PTPRQ: variants seen among roughly 807,000 people sequenced by gnomAD.
PTPRQ encodes the protein phosphatidylinositol phosphatase PTPRQ.
Under a neutral mutation model 246.0 loss-of-function variants are expected in PTPRQ, and 199 were observed. The observed-to-expected ratio is 0.81, with a 90% confidence interval of 0.72 to 0.91. The LOEUF (loss-of-function observed/expected upper bound fraction) is 0.91, where lower values mean the gene tolerates loss of function less well. PTPRQ is among the 40% of genes least tolerant of loss of function. The pLI is 0.00. For missense variants in PTPRQ, 2,624 were observed against 2,528.4 expected (o/e 1.04, Z -0.81); for synonymous variants, 869 against 853.2 (o/e 1.02, Z -0.32).
chr12:80,642,631 C>A (rs1899905294), intron 35 of PTPRQ, among the ~76,000 whole-genome samples: 1 of 152,078 alleles, frequency 6.6e-6, no homozygotes, highest in African/African-American at 2.4e-5. Context: ...AAATAAATAA[C>A]AATTGAGGGC....
At chr12:80,471,439 A>G (rs1196460388) in intron 7 of PTPRQ, among the ~76,000 whole-genome samples, 3 of 147,994 alleles carry the variant, frequency 2.0e-5, no homozygotes, top group East Asian at 2.0e-4. Context: ...TTTTCTAAAT[A>G]TATCCTCTTA....
chr12:80,573,216 G>T (rs538007727), intron 25 of PTPRQ, among the ~76,000 whole-genome samples: 1 of 152,116 alleles, frequency 6.6e-6, no homozygotes, highest in African/African-American at 2.4e-5. Context: ...AGGGCCGGGC[G>T]CGGTGGCTCA....
chr12:80,446,736 A>T (rs1325615217), intron 3 of PTPRQ, among the ~76,000 whole-genome samples: 1 of 151,990 alleles, frequency 6.6e-6, no homozygotes, highest in African/African-American at 2.4e-5. Context: ...AGCTCCATCC[A>T]TGTTGCTGCA....
intron 28 of PTPRQ, among the ~76,000 whole-genome samples, chr12:80,611,614 G>A (rs967373836): frequency 5.3e-5 from 8 of 150,234 alleles, no homozygotes; most frequent in African/African-American, 1.7e-4. Context: ...ATACCATAAA[G>A]CATTGTTTGT....
rs1899735127 is a variant in PTPRQ at position 80,638,345 on chromosome 12, A to T, written c.5915+3272A>T. Among the ~76,000 whole-genome samples the T allele has an allele frequency of 2.6e-5, 4 of 151,910 alleles. No homozygotes were observed. In the South Asian group the frequency reaches 8.3e-4, roughly 32 times the overall value. Reference sequence around the variant, plus strand: ...TCTTAGGCATGTCCTTTTTATTCCAACCTGCTAAATTTTTCATGCAAAATT... The same window carrying T: ...TCTTAGGCATGTCCTTTTTATTCCATCCTGCTAAATTTTTCATGCAAAATT... On this transcript the variant is annotated intron_variant, in intron 35 of 44. Transcript: ENST00000644991.
intron 17 of PTPRQ, among the ~76,000 whole-genome samples, chr12:80,515,032 A>G (rs1248263976): frequency 5.8e-5 from 8 of 138,696 alleles, no homozygotes; most frequent in Non-Finnish European, 1.3e-4. Context: ...TATCTTATTA[A>G]CATACTTTAG....
At position 80,673,150 on chromosome 12, in the gene PTPRQ, T is replaced by G; in HGVS notation, c.6603-19T>G. ...AACCCTTTGCTGAATAATTTTCATG[T>G]AATTTACCCTTCCTGTAGTGCTGGA... On this transcript the variant is annotated intron_variant, in intron 42 of 44. Transcript: ENST00000644991. 1 of 1,549,126 alleles carries G rather than the reference T, an allele frequency of 6.5e-7. No individual in the cohort carries two copies. The highest frequency in any genetic ancestry group is 8.7e-7 in the Non-Finnish European group (1 of 1,145,402).
At chr12:80,467,991 A>G (rs1428442042) in intron 6 of PTPRQ, among the ~76,000 whole-genome samples, 1 of 152,244 alleles carries the variant, frequency 6.6e-6, no homozygotes, top group East Asian at 1.9e-4. Flanking sequence ...CATGTACCCT[A>G]AAACTTAAAG....
chr12:80,469,309 A>T (rs1189317940), intron 7 of PTPRQ, among the ~76,000 whole-genome samples: 1 of 152,056 alleles, frequency 6.6e-6, no homozygotes, highest in Non-Finnish European at 1.5e-5. Flanking sequence ...AAACTGCTTT[A>T]AAAAAGAAAA....
At chr12:80,633,714 T>G (rs535071838) in intron 34 of PTPRQ, among the ~76,000 whole-genome samples, 17 of 152,346 alleles carry the variant, frequency 1.1e-4, no homozygotes, top group Non-Finnish European at 2.1e-4. Flanking sequence ...TATTTGCAGA[T>G]TTAGCCAGAA....
chr12:80,669,211 C>T (rs1029850965), intron 40 of PTPRQ, 70 bp downstream of exon 40: 203 of 1,530,280 alleles, frequency 1.3e-4, no homozygotes, highest in Non-Finnish European at 1.7e-4. Flanking sequence ...AATATTTCAT[C>T]TAATACTGTG....
chr12:80,528,314 G>A (rs966502672), intron 17 of PTPRQ, among the ~76,000 whole-genome samples: 3 of 152,028 alleles, frequency 2.0e-5, no homozygotes, highest in Non-Finnish European at 4.4e-5. Context: ...AAATTTTGGA[G>A]CCCTAATGGG....
At position 80,652,051 on chromosome 12, in the gene PTPRQ, A is replaced by G. The variant is rs1359294727; in HGVS notation, c.6025-693A>G. Among the ~76,000 whole-genome samples the G allele has an allele frequency of 2.6e-5, 4 of 152,274 alleles. 1 individual carries two copies. The South Asian group carries it at 8.3e-4, about 32-fold the overall frequency. On this transcript the variant is annotated intron_variant, in intron 37 of 44. Transcript: ENST00000644991. ...GGCAAGTTGAGATTTCTAAAATGGAAAACTATAAATTTCACACATGTAAAT... is the reference window on the plus strand; with the variant it reads ...GGCAAGTTGAGATTTCTAAAATGGAGAACTATAAATTTCACACATGTAAAT...
intron 10 of PTPRQ, among the ~76,000 whole-genome samples, chr12:80,494,447 C>A (rs561765679): frequency 6.6e-6 from 1 of 152,050 alleles, no homozygotes; most frequent in African/African-American, 2.4e-5. Flanking sequence ...AAATAAAACT[C>A]TTTATTTATT....
Position 80,495,232 on chromosome 12 carries a change from T to C in PTPRQ, c.1743T>C (p.Ser581=). The change falls in exon 12 of 45, where the codon AGT becomes AGC. Residue 581 remains serine (S), a synonymous_variant. Coordinates refer to ENST00000644991, the MANE Select transcript of PTPRQ (RefSeq NM_001145026.2). The part of the protein sequence containing the change: ...SIKIINYKNI[S]SSSILLYWDP... ...AAATTATAAACTATAAAAATATTAG[T>C]TCTTCATCTATTTTGTTATATTGGG... The C allele has an allele frequency of 1.3e-6, 2 of 1,539,982 alleles. No homozygotes were observed. The highest frequency in any genetic ancestry group is 2.8e-5 in the African/African-American group (2 of 72,286).
At chr12:80,622,221 G>T in intron 33 of PTPRQ, 87 bp downstream of exon 33, 1 of 1,047,488 alleles carries the variant, frequency 9.5e-7, no homozygotes, top group South Asian at 2.9e-5. Context: ...TCCATGTCTA[G>T]ATGTTTTAAA....
chr12:80,637,679 AT>A (rs1170755106), intron 35 of PTPRQ, among the ~76,000 whole-genome samples: 3 of 152,198 alleles, frequency 2.0e-5, no homozygotes, highest in Admixed American at 2.0e-4. Context: ...TTTATGCAAT[AT>A]TTTTATGTTA....
At chr12:80,597,187 A>T (rs1446427465) in intron 26 of PTPRQ, among the ~76,000 whole-genome samples, 1 of 151,842 alleles carries the variant, frequency 6.6e-6, no homozygotes, top group Non-Finnish European at 1.5e-5. Context: ...CTTGATTTTC[A>T]TTTTTCTTTA....
At chr12:80,463,037 GAGA>G (rs1300023036) in intron 6 of PTPRQ, among the ~76,000 whole-genome samples, 1 of 152,164 alleles carries the variant, frequency 6.6e-6, no homozygotes, top group African/African-American at 2.4e-5. Context: ...CACGAGTTGA[GAGA>G]AGAAGGCTTC....
Sources: gnomAD v4.1 joint callset for allele counts (sites outside exome capture counted in the v4.1 genomes callset) on GRCh38, gnomAD v4.1.1 for gene constraint, MANE v1.5 for transcripts, NCBI Gene and HGNC (gene_info 2026-07-23, HGNC 2026-07-21) for gene names.